The following RBFOX1 variants were observed in gnomAD, a reference collection of about 807,000 sequenced individuals.
RBFOX1 encodes the protein RNA binding protein fox-1 homolog 1.
Under a neutral mutation model 57.7 loss-of-function variants are expected in RBFOX1, and 8 were observed. That is an observed-to-expected ratio of 0.14 (90% CI 0.08 to 0.25). RBFOX1 has a LOEUF of 0.25. RBFOX1 is among the 10% of genes least tolerant of loss of function. RBFOX1 has a pLI of 1.00. For synonymous variants in RBFOX1, 326 were observed against 222.4 expected, an observed-to-expected ratio of 1.47 and a Z score of -4.15; for missense variants, 611 against 548.5, an observed-to-expected ratio of 1.11 and a Z score of -1.14.
chr16:6,793,742 C>T (rs1044457616), intron 3 of RBFOX1, among the ~76,000 whole-genome samples: 3 of 152,268 alleles, frequency 2.0e-5, no homozygotes, highest in Non-Finnish European at 4.4e-5. Context: ...TAAAATAACA[C>T]AGCAAGAAAC....
intron 2 of RBFOX1, among the ~76,000 whole-genome samples, chr16:5,489,803 A>G (rs2042764500): frequency 6.6e-6 from 1 of 152,210 alleles, no homozygotes; most frequent in African/African-American, 2.4e-5. Flanking sequence ...CACCCAGCTC[A>G]TATAGTGCCA....
In RBFOX1 at chr16:6,397,228, A is replaced by G. The variant is rs540599001; in HGVS notation, c.-64+80171A>G. 1.6e-3 allele frequency among the ~76,000 whole-genome samples: 240 copies of G among 152,332 alleles called. 1 individual carries two copies. Among genetic ancestry groups the G allele is most frequent in the African/African-American group, 5.5e-3 (228 of 41,584 alleles). On this transcript the variant is annotated intron_variant, in intron 2 of 15. Transcript: ENST00000550418. ...TATAAAGACAAGCACACCTAGTATG[A>G]TTTTAATTTCCACGTCATAGTCACA...
intron 3 of RBFOX1, among the ~76,000 whole-genome samples, chr16:5,821,583 A>G (rs1184391946): frequency 3.3e-5 from 5 of 152,168 alleles, no homozygotes; most frequent in African/African-American, 4.8e-5. Flanking sequence ...GATTATAGGC[A>G]TGACCTACCA....
chr16:7,199,446 T>G (rs943593918), intron 4 of RBFOX1, among the ~76,000 whole-genome samples: 2 of 152,192 alleles, frequency 1.3e-5, no homozygotes, highest in African/African-American at 4.8e-5. Context: ...TGGAAATGAA[T>G]GACTGAGTGT....
At chr16:7,562,231 C>G (rs1304618917) in intron 5 of RBFOX1, among the ~76,000 whole-genome samples, 1 of 152,102 alleles carries the variant, frequency 6.6e-6, no homozygotes, top group African/African-American at 2.4e-5. Flanking sequence ...TGCTTTTTAT[C>G]TGGGGATTTA....
At position 7,437,260 on chromosome 16, in the gene RBFOX1, C is replaced by G. The variant is rs556288333; in HGVS notation, c.28-80887C>G. 2.1e-4 allele frequency among the ~76,000 whole-genome samples: 30 copies of G among 144,502 alleles called. No individual in the cohort carries two copies. In the East Asian group the frequency reaches 4.1e-3, roughly 20 times the overall value. 94.8% of individuals were successfully genotyped at this position (144,502 alleles called of 152,430 possible). ...AATTAAATTATCTTTGCCCCCCCCC[C>G]CTTTCTGTTATATTAAATTAGTATC... On this transcript the variant is annotated intron_variant, in intron 4 of 15. Transcript: ENST00000550418.
chr16:6,978,857 C>G (rs559229553), intron 3 of RBFOX1, among the ~76,000 whole-genome samples: 1 of 152,252 alleles, frequency 6.6e-6, no homozygotes, highest in African/African-American at 2.4e-5. Context: ...CGCAGAGCTG[C>G]TTCATTGCAT....
At chr16:6,816,730 A>C (rs1336144987) in intron 3 of RBFOX1, among the ~76,000 whole-genome samples, 1 of 139,554 alleles carries the variant, frequency 7.2e-6, no homozygotes, top group East Asian at 2.1e-4. Context: ...ACAGAGCAAG[A>C]CTGTCTCAAA....
intron 3 of RBFOX1, among the ~76,000 whole-genome samples, chr16:6,726,656 A>G (rs1009665565): frequency 2.0e-5 from 3 of 152,170 alleles, no homozygotes; most frequent in Non-Finnish European, 4.4e-5. Context: ...GCATGCCCAG[A>G]GAACTAGCTT....
intron 3 of RBFOX1, among the ~76,000 whole-genome samples, chr16:6,942,289 A>T (rs2078679023): frequency 6.6e-6 from 1 of 152,038 alleles, no homozygotes; most frequent in South Asian, 2.1e-4. Context: ...CACAAACAAA[A>T]AACAAGTTGC....
At chr16:6,297,696 C>A (rs2078289479) in intron 1 of RBFOX1, among the ~76,000 whole-genome samples, 1 of 152,020 alleles carries the variant, frequency 6.6e-6, no homozygotes, top group African/African-American at 2.4e-5. Context: ...CCCATATAAA[C>A]CCCAAACACC....
chr16:6,480,192 C>T (rs2095351105), intron 2 of RBFOX1, among the ~76,000 whole-genome samples: 2 of 152,148 alleles, frequency 1.3e-5, no homozygotes, highest in Admixed American at 1.3e-4. Context: ...CACTTATGTA[C>T]TGGCTTTATG....
At chr16:6,158,767 C>G (rs748219733) in intron 1 of RBFOX1, among the ~76,000 whole-genome samples, 21 of 152,118 alleles carry the variant, frequency 1.4e-4, no homozygotes, top group Non-Finnish European at 2.5e-4. Flanking sequence ...ATTATGTTCT[C>G]TACAATTATA....
chr16:6,154,636 T>A lies in RBFOX1; in HGVS notation c.-127+134644T>A, dbSNP rs143041031. On this transcript the variant is annotated intron_variant, in intron 1 of 15. Transcript: ENST00000550418. ...TTGGAGAGAGAATCTACTCTTGGTA[T>A]TGGAATCAGAAGCAGGGAAACTAAG... Among the ~76,000 whole-genome samples the A allele has an allele frequency of 2.2e-3, 342 of 152,314 alleles. 2 individuals carry two copies. Among genetic ancestry groups the A allele is most frequent in the African/African-American group, 7.5e-3 (311 of 41,578 alleles).
chr16:6,859,530 G>C (rs532005850), intron 3 of RBFOX1, among the ~76,000 whole-genome samples: 61 of 152,022 alleles, frequency 4.0e-4, no homozygotes, highest in African/African-American at 1.4e-3. Context: ...TTTCCCAAAT[G>C]TGAGTGGTTT....
At chr16:7,009,428 A>G (rs1184257676) in intron 3 of RBFOX1, among the ~76,000 whole-genome samples, 9 of 151,918 alleles carry the variant, frequency 5.9e-5, no homozygotes, top group Admixed American at 2.6e-4. Flanking sequence ...AGGCCTTGCA[A>G]GAAACCCTGC....
intron 2 of RBFOX1, among the ~76,000 whole-genome samples, chr16:6,586,015 T>C (rs953159446): frequency 1.3e-5 from 2 of 152,194 alleles, no homozygotes; most frequent in African/African-American, 4.8e-5. Context: ...AGTGAAATAA[T>C]ATATACTGCA....
rs573446228 is a variant in RBFOX1, at chr16:6,765,803, T to C, written c.-16+111153T>C. Among the ~76,000 whole-genome samples, 5 of 152,250 alleles carry C rather than the reference T, an allele frequency of 3.3e-5. No individual in the cohort carries two copies. The East Asian group carries it at 9.6e-4, about 29-fold the overall frequency. ...TTCACCTTGAAATACTACTCAGCCATAAAAAAGAATGAAATAATGTCTTTT... is the reference window on the plus strand; with the variant it reads ...TTCACCTTGAAATACTACTCAGCCACAAAAAAGAATGAAATAATGTCTTTT... On this transcript the variant is annotated intron_variant, in intron 3 of 15. Transcript: ENST00000550418.
At chr16:5,657,440 C>T (rs2151380009) in intron 3 of RBFOX1, among the ~76,000 whole-genome samples, 1 of 152,246 alleles carries the variant, frequency 6.6e-6, no homozygotes, top group South Asian at 2.1e-4. Context: ...CTCACAATCA[C>T]AGGACCAGTG....
Sources: allele counts gnomAD v4.1 joint callset (sites outside exome capture counted in the v4.1 genomes callset), GRCh38; gene constraint gnomAD v4.1.1; transcripts MANE v1.5; gene names NCBI Gene and HGNC (gene_info 2026-07-23, HGNC 2026-07-21).